Variants in PDZD2 observed in about 807,000 individuals in gnomAD.
PDZD2 encodes PDZ domain-containing protein 2.
Under a neutral mutation model 220.7 loss-of-function variants are expected in PDZD2, and 90 were observed. The observed-to-expected ratio is 0.41, with a 90% CI of 0.34 to 0.49. The LOEUF is 0.49. PDZD2 is among the 20% of genes least tolerant of loss of function. The pLI is 0.28. For missense variants in PDZD2, 3,174 were observed against 3,608.5 expected, an observed-to-expected ratio of 0.88 and a Z score of 3.08; for synonymous variants, 1,375 against 1,450.5, an observed-to-expected ratio of 0.95 and a Z score of 1.18.
At chr5:32,094,581 C>T (rs968720392) in intron 21 of PDZD2, among the ~76,000 whole-genome samples, 1 of 151,898 alleles carries the variant, frequency 6.6e-6, no homozygotes, top group Admixed American at 6.6e-5. Flanking sequence ...CCACTCCCTT[C>T]TGATTCTCAG....
At chr5:31,809,024 T>C (rs1754916759) in intron 2 of PDZD2, among the ~76,000 whole-genome samples, 1 of 152,166 alleles carries the variant, frequency 6.6e-6, no homozygotes, top group Non-Finnish European at 1.5e-5. Context: ...TAGGATGGTT[T>C]TTTAACAGTT....
chr5:32,027,351 T>C (rs575214557), intron 6 of PDZD2, among the ~76,000 whole-genome samples: 1 of 152,344 alleles, frequency 6.6e-6, no homozygotes, highest in South Asian at 2.1e-4. Flanking sequence ...ACCTCAACTT[T>C]CTAAGGAACC....
chr5:31,918,114 C>T (rs1743847379), intron 2 of PDZD2, among the ~76,000 whole-genome samples: 1 of 152,136 alleles, frequency 6.6e-6, no homozygotes, highest in Admixed American at 6.5e-5. Flanking sequence ...AGGTGCCTCA[C>T]ACTTTTAAAC....
chr5:31,745,152 T>G (rs927931300), intron 1 of PDZD2, among the ~76,000 whole-genome samples: 1 of 152,182 alleles, frequency 6.6e-6, no homozygotes, highest in Non-Finnish European at 1.5e-5. Context: ...TTCTCTCTTG[T>G]GTCTCAGTGC....
chr5:31,656,822 A>G (rs1349772124), intron 1 of PDZD2, among the ~76,000 whole-genome samples: 1 of 152,212 alleles, frequency 6.6e-6, no homozygotes, highest in African/African-American at 2.4e-5. Flanking sequence ...TCTAAGAGGA[A>G]GCTCCAAGAC....
chr5:31,975,321 T>A (rs1749652167), intron 2 of PDZD2, among the ~76,000 whole-genome samples: 1 of 152,088 alleles, frequency 6.6e-6, no homozygotes, highest in African/African-American at 2.4e-5. Context: ...CAGGGGAATT[T>A]CCCTTTATAA....
intron 2 of PDZD2, among the ~76,000 whole-genome samples, chr5:31,887,677 A>C (rs1312251038): frequency 6.6e-6 from 1 of 152,062 alleles, no homozygotes; most frequent in Non-Finnish European, 1.5e-5. Flanking sequence ...AATCTGACAA[A>C]ATTTCGCATA....
intron 2 of PDZD2, among the ~76,000 whole-genome samples, chr5:31,851,650 T>A (rs1409647417): frequency 6.6e-6 from 1 of 152,182 alleles, no homozygotes; most frequent in East Asian, 1.9e-4. Flanking sequence ...CAATTTCAAG[T>A]ATTATTTAAA....
At chr5:32,095,224 C>G (rs1743549073) in intron 21 of PDZD2, among the ~76,000 whole-genome samples, 1 of 152,160 alleles carries the variant, frequency 6.6e-6, no homozygotes, top group East Asian at 1.9e-4. Flanking sequence ...TTCCTCACCC[C>G]CTACTACTCA....
chr5:32,077,872 G>A (rs539828645), intron 19 of PDZD2: 13 of 380,990 alleles, frequency 3.4e-5, no homozygotes, highest in South Asian at 1.7e-4. Context: ...CAGGAGAATC[G>A]CTTGAACTGG....
chr5:31,781,317 G>A (rs1469161248), intron 1 of PDZD2, among the ~76,000 whole-genome samples: 1 of 152,224 alleles, frequency 6.6e-6, no homozygotes, highest in African/African-American at 2.4e-5. Flanking sequence ...ATGAGGCTGA[G>A]GCAGGAGAAT....
intron 2 of PDZD2, among the ~76,000 whole-genome samples, chr5:31,813,446 T>G: frequency 3.3e-5 from 2 of 60,224 alleles, no homozygotes; most frequent in East Asian, 3.3e-4. Context: ...CGAGACTCCG[T>G]CTCAAAAAAA....
intron 2 of PDZD2, among the ~76,000 whole-genome samples, chr5:31,972,509 C>G (rs1218882439): frequency 6.6e-6 from 1 of 152,070 alleles, no homozygotes; most frequent in Non-Finnish European, 1.5e-5. Context: ...TCTGTTTGCC[C>G]CACTAGATTG....
intron 2 of PDZD2, among the ~76,000 whole-genome samples, chr5:31,910,410 C>CTTT (rs3037132): frequency 0.13 from 17,311 of 132,976 alleles, 1,371 homozygotes; most frequent in Middle Eastern, 0.21. Context: ...CTTTTCCTTT[C>CTTT]TTTTTTTTTT....
Position 32,107,740 on chromosome 5 carries a change from T to TATC in PDZD2, c.8354-228_8354-226dup, listed in dbSNP as rs527402647. 2.8e-4 allele frequency among the ~76,000 whole-genome samples: 42 copies of TATC among 152,330 alleles called. 1 individual carries two copies. The South Asian group carries it at 6.6e-3, about 24-fold the overall frequency. On this transcript the variant is annotated intron_variant, in intron 24 of 24. Transcript: ENST00000438447. ...TATCTTCCCCTTGTCAGTTTATTTT[T>TATC]ATCTTACAGATTATGTTTGGAGGGG...
At chr5:32,024,681 T>TAAAA (rs377545497) in intron 6 of PDZD2, among the ~76,000 whole-genome samples, 4 of 132,452 alleles carry the variant, frequency 3.0e-5, no homozygotes, top group African/African-American at 2.7e-5. Flanking sequence ...AGACTTCATC[T>TAAAA]CAAAAAAAAA....
At chr5:31,644,998 G>A (rs1745082010) in intron 1 of PDZD2, among the ~76,000 whole-genome samples, 2 of 152,134 alleles carry the variant, frequency 1.3e-5, no homozygotes, top group African/African-American at 2.4e-5. Context: ...CAATTGTTGC[G>A]AGCTCTGAAT....
rs373111791 is a variant in PDZD2 at position 32,107,976 on chromosome 5, G to A, written c.8361G>A (p.Ala2787=). The change falls in exon 25 of 25, where the codon GCG becomes GCA. Residue 2787 remains alanine, a synonymous_variant. Transcript: ENST00000438447. Reference sequence around the variant, plus strand: ...CTGTGTTTATTCTCGTAGGTGGTGCGGCTGAACAAGCTGGAATAATAGAAG... The same window carrying A: ...CTGTGTTTATTCTCGTAGGTGGTGCAGCTGAACAAGCTGGAATAATAGAAG... The part of the protein sequence containing the change: ...LVIKRVYKGG[A]AEQAGIIEAG... 5.6e-5 allele frequency: 91 copies of A among 1,611,788 alleles called. No individual in the cohort carries two copies. The highest frequency in any genetic ancestry group is 1.0e-4 in the Admixed American group (6 of 59,906).
intron 2 of PDZD2, among the ~76,000 whole-genome samples, chr5:31,863,758 G>A (rs1349448078): frequency 2.0e-5 from 3 of 152,144 alleles, no homozygotes; most frequent in Non-Finnish European, 4.4e-5. Context: ...GCATTCCGTG[G>A]AAGTTTACAC....
Sources: gnomAD v4.1 joint callset for allele counts (sites outside exome capture counted in the v4.1 genomes callset) on GRCh38, gnomAD v4.1.1 for gene constraint, MANE v1.5 for transcripts, NCBI Gene and HGNC (gene_info 2026-07-23, HGNC 2026-07-21) for gene names.